The following ROCK2 variants were observed in gnomAD, a reference collection of about 807,000 sequenced individuals.
The protein encoded by ROCK2 is rho-associated protein kinase 2.
ROCK2 carries 61 observed loss-of-function variants against 195.1 expected under a neutral mutation model. The observed-to-expected ratio is 0.31, with a 90% CI of 0.25 to 0.39. The LOEUF (loss-of-function observed/expected upper bound fraction) is 0.39. ROCK2 is among the 10% of genes least tolerant of loss of function. The pLI, the probability that ROCK2 is intolerant of heterozygous loss-of-function variation, is 1.00. For synonymous variants in ROCK2, 504 were observed against 545.5 expected, an observed-to-expected ratio of 0.92 and a Z score of 1.06; for missense variants, 1,109 against 1,637.4, an observed-to-expected ratio of 0.68 and a Z score of 5.57.
intron 1 of ROCK2, among the ~76,000 whole-genome samples, chr2:11,294,081 C>T (rs1462232881): frequency 7.9e-5 from 12 of 151,644 alleles, no homozygotes; most frequent in East Asian, 7.8e-4. Context: ...GGCGTGAACC[C>T]GGGAGGTGGA....
intron 1 of ROCK2, among the ~76,000 whole-genome samples, chr2:11,341,810 T>C (rs1669115522): frequency 6.6e-6 from 1 of 152,198 alleles, no homozygotes; most frequent in Non-Finnish European, 1.5e-5. Context: ...ATACCAGCCA[T>C]TATTTCGTCA....
chr2:11,300,527 G>A (rs1235735182), intron 1 of ROCK2, among the ~76,000 whole-genome samples: 2 of 152,088 alleles, frequency 1.3e-5, no homozygotes, highest in Non-Finnish European at 2.9e-5. Flanking sequence ...GCCTCCCAAA[G>A]TGCTGGGATT....
rs994757197 is a variant in ROCK2, at chr2:11,202,482, A to G, written c.2550-361T>C. On this transcript the variant is annotated intron_variant, in intron 20 of 32. Transcript: ENST00000315872. ...AAACTCATTTGGAACCCTTGATGAT[A>G]ATAATAATAATAATTATTATTATTT... Among the ~76,000 whole-genome samples the G allele has an allele frequency of 5.3e-5, 8 of 150,116 alleles. No individual in the cohort carries two copies. The East Asian group carries it at 1.2e-3, about 22-fold the overall frequency.
At position 11,344,578 on chromosome 2, in the gene ROCK2, C is replaced by T; in HGVS notation, c.-442G>A. The T allele has an allele frequency of 2.4e-6, 2 of 831,820 alleles. No homozygotes were observed. The highest frequency in any genetic ancestry group is 2.9e-6 in the Non-Finnish European group (2 of 691,044). The allele number at this position is 831,820 out of a possible 1,614,324, so 51.5% of individuals were successfully genotyped here. On this transcript the variant is annotated 5_prime_UTR_variant, in exon 1 of 33. Transcript: ENST00000315872. The surrounding 1 kb of genome is among the most constrained non-coding windows in gnomAD (Gnocchi z 5.4). ...GGCCCGCTGCCATGGTCGCCGCCGG[C>T]CGCCTTGCAGTCCCTCAGCCAGCTC...
At chr2:11,312,255 G>A (rs913052836) in intron 1 of ROCK2, among the ~76,000 whole-genome samples, 6 of 151,830 alleles carry the variant, frequency 4.0e-5, no homozygotes, top group East Asian at 1.9e-4. Flanking sequence ...TCTAAGCTTC[G>A]TTTTAAAAAG....
intron 4 of ROCK2, among the ~76,000 whole-genome samples, chr2:11,236,678 A>G (rs1665217951): frequency 6.6e-6 from 1 of 152,180 alleles, no homozygotes; most frequent in Admixed American, 6.5e-5. Context: ...AGTATGTCAC[A>G]CCCCTCCCAG....
At chr2:11,325,394 C>T (rs183797115) in intron 1 of ROCK2, among the ~76,000 whole-genome samples, 132 of 152,298 alleles carry the variant, frequency 8.7e-4, no homozygotes, top group African/African-American at 3.0e-3. Context: ...AACTTCATAC[C>T]AGACTAAATA....
chr2:11,225,517 CT>C (rs1332288267), intron 6 of ROCK2, among the ~76,000 whole-genome samples: 2 of 151,296 alleles, frequency 1.3e-5, no homozygotes, highest in Non-Finnish European at 2.9e-5. Flanking sequence ...TTTATTATTA[CT>C]TTTTTAGACA....
At chr2:11,308,090 C>T in intron 1 of ROCK2, 8 of 1,610,144 alleles carry the variant, frequency 5.0e-6, no homozygotes, top group Non-Finnish European at 6.8e-6. Context: ...GCGCCGACTG[C>T]GACTCTTGGG....
Position 11,198,961 on chromosome 2 carries a change from C to T in ROCK2, c.2911-187G>A, listed in dbSNP as rs879827279. Among the ~76,000 whole-genome samples the T allele has an allele frequency of 6.1e-5, 9 of 148,624 alleles. No individual in the cohort carries two copies. In the East Asian group the frequency reaches 1.0e-3, roughly 17 times the overall value. ...GCTCTGTCAACCAGGAGTGCAGTGGCGCAATCTCAGCTCACTGCAACCTCC... is the reference window on the plus strand; with the variant it reads ...GCTCTGTCAACCAGGAGTGCAGTGGTGCAATCTCAGCTCACTGCAACCTCC... On this transcript the variant is annotated intron_variant, in intron 23 of 32. Coordinates refer to ENST00000315872, the MANE Select transcript of ROCK2 (RefSeq NM_004850.5).
At chr2:11,339,979 T>C (rs1669053518) in intron 1 of ROCK2, among the ~76,000 whole-genome samples, 1 of 152,126 alleles carries the variant, frequency 6.6e-6, no homozygotes, top group Non-Finnish European at 1.5e-5. Context: ...GAATTCAAAA[T>C]GGGAAAAAGA....
intron 2 of ROCK2, 31 bp from the exon 3 acceptor site, chr2:11,286,670 A>T (rs754286429): frequency 1.8e-6 from 2 of 1,107,074 alleles, no homozygotes; most frequent in Admixed American, 2.0e-5. Flanking sequence ...TACTTATAAT[A>T]TCAATCATAT....
rs1663039391 is a variant in ROCK2, at chr2:11,182,416, TCA to T, written c.*1019_*1020del. 1 of 152,180 alleles carries T rather than the reference TCA, an allele frequency of 6.6e-6. No homozygotes were observed. Among genetic ancestry groups the T allele is most frequent in the Non-Finnish European group, 1.5e-5 (1 of 68,036 alleles). The allele number at this position is 152,180 out of a possible 1,614,324, so 9.4% of individuals were successfully genotyped here. ...TTAAAGCAAATAAAATATTTTGTAGTCACAGACTAATACTGAGGTCTGTAAAA... is the reference window on the plus strand; with the variant it reads ...TTAAAGCAAATAAAATATTTTGTAGTCAGACTAATACTGAGGTCTGTAAAA... On this transcript the variant is annotated 3_prime_UTR_variant, in exon 33 of 33. Transcript: ENST00000315872.
chr2:11,234,392 C>T (rs1170754201), intron 5 of ROCK2: 1 of 152,106 alleles, frequency 6.6e-6, no homozygotes, highest in Non-Finnish European at 1.5e-5. Context: ...AAGTACAACA[C>T]AAAAACATCT....
intron 1 of ROCK2, among the ~76,000 whole-genome samples, chr2:11,321,829 G>T (rs887448046): frequency 6.6e-6 from 1 of 152,014 alleles, no homozygotes; most frequent in Admixed American, 6.6e-5. Flanking sequence ...ATAAATAGAT[G>T]GATAGTTACT....
In ROCK2 at chr2:11,221,282, C is replaced by T. The variant is rs776629994; in HGVS notation, c.1175G>A (p.Gly392Glu). The change falls in exon 9 of 33, where the codon GGA (glycine) becomes GAA (glutamate). Residue 392 changes from glycine (G) to glutamate (E), a missense_variant. This residue lies in a region of ROCK2 where 253 missense variants were observed against 455.5 expected (regional missense o/e 0.56). Transcript: ENST00000315872. ...SNFDDIEDDK[G>E]DVETFPIPKA... ...AGGAATTGGGAAGGTTTCTACATCTCCTTTGTCATCTTCAATGTCATCGAA... is the reference window on the plus strand; with the variant it reads ...AGGAATTGGGAAGGTTTCTACATCTTCTTTGTCATCTTCAATGTCATCGAA... The T allele has an allele frequency of 6.3e-7, 1 of 1,593,216 alleles. No individual in the cohort carries two copies. The highest frequency in any genetic ancestry group is 2.3e-5 in the East Asian group (1 of 43,460).
At chr2:11,213,267 TG>T (rs1331686967) in intron 17 of ROCK2, among the ~76,000 whole-genome samples, 3 of 152,210 alleles carry the variant, frequency 2.0e-5, no homozygotes, top group Non-Finnish European at 4.4e-5. Context: ...CTATCTTTAA[TG>T]TACCTCTAAT....
chr2:11,304,172 A>T (rs561460779), intron 1 of ROCK2, among the ~76,000 whole-genome samples: 1 of 152,244 alleles, frequency 6.6e-6, no homozygotes, highest in East Asian at 1.9e-4. Context: ...TATTCCAACT[A>T]AAATCCTGAA....
Position 11,335,000 on chromosome 2 carries a change from A to G in ROCK2, c.141+8996T>C, listed in dbSNP as rs183824481. ...TATCTGAACAAACAGCCCATACCTT[A>G]CCAAAATGAAGTACCAAACCATAAA... On this transcript the variant is annotated intron_variant, in intron 1 of 32. Transcript: ENST00000315872. Among the ~76,000 whole-genome samples the G allele has an allele frequency of 2.4e-4, 37 of 152,242 alleles. 1 individual carries two copies. The highest frequency in any genetic ancestry group is 8.9e-4 in the African/African-American group (37 of 41,534).
Sources: gnomAD v4.1 joint callset for allele counts (sites outside exome capture counted in the v4.1 genomes callset) on GRCh38, gnomAD v4.1.1 for gene constraint, gnomAD v4.1.1 regional missense constraint, Gnocchi (gnomAD v3.1) non-coding constraint, MANE v1.5 for transcripts, NCBI Gene and HGNC (gene_info 2026-07-23, HGNC 2026-07-21) for gene names.